Variants in PWWP2A observed in about 807,000 individuals in gnomAD.
The protein encoded by PWWP2A is PWWP domain-containing protein 2A.
A neutral mutation model predicts 48.5 loss-of-function variants in PWWP2A; 18 were observed. The observed-to-expected ratio is 0.37, with a 90% CI of 0.26 to 0.55. PWWP2A has a LOEUF of 0.55. Among genes scored for constraint, PWWP2A ranks in the 20% least tolerant of loss-of-function variants. PWWP2A has a pLI of 0.81. For synonymous variants in PWWP2A, 396 were observed against 387.7 expected, an observed-to-expected ratio of 1.02 and a Z score of -0.25; for missense variants, 867 against 976.4, an observed-to-expected ratio of 0.89 and a Z score of 1.49.
Position 160,079,587 on chromosome 5 carries a change from A to C in PWWP2A, c.1669+1064T>G, listed in dbSNP as rs1754083917. ...GGAAGCAAATGTTCCCATTTTATAA[A>C]CTGAAGGAAGAAAAGGTAAACACCC... On this transcript the variant is annotated intron_variant, in intron 3 of 3. Coordinates refer to the PWWP2A transcript ENST00000456329. Among the ~76,000 whole-genome samples, 3 of 152,314 alleles carry C rather than the reference A, an allele frequency of 2.0e-5. No individual in the cohort carries two copies. The South Asian group carries it at 6.2e-4, about 32-fold the overall frequency.
chr5:160,047,493 C>G, the PWWP2A span, among the ~76,000 whole-genome samples: 1 of 152,232 alleles, frequency 6.6e-6, no homozygotes, highest in South Asian at 2.1e-4. Flanking sequence ...CTTCTCTCAT[C>G]TGGACCACTG....
chr5:160,060,461 T>G (rs1301740872), downstream of PWWP2A, among the ~76,000 whole-genome samples: 1 of 152,218 alleles, frequency 6.6e-6, no homozygotes, highest in Non-Finnish European at 1.5e-5. Flanking sequence ...GGATCTAGTC[T>G]GATAGACGAG....
chr5:160,097,984 G>A (rs1755863805), intron 1 of PWWP2A, among the ~76,000 whole-genome samples: 1 of 152,158 alleles, frequency 6.6e-6, no homozygotes, highest in Non-Finnish European at 1.5e-5. Flanking sequence ...AAAGTGCTGG[G>A]ATTACAGGCG....
At position 160,093,725 on chromosome 5, in the gene PWWP2A, T is replaced by C. The variant is rs377111718; in HGVS notation, c.925A>G (p.Ile309Val). ...GGTCGTAGTTTAATAGCATTCATTATTGAAGTGGGTTCTTCCCTGTACATT... is the reference window on the plus strand; with the variant it reads ...GGTCGTAGTTTAATAGCATTCATTACTGAAGTGGGTTCTTCCCTGTACATT... ...RKMYREEPTS[I>V]MNAIKLRPRQ... is the part of the protein sequence containing the mutation. Residue 309 changes from isoleucine to valine, a missense_variant, in exon 2 of 2, where the codon ATA becomes GTA. Coordinates refer to ENST00000307063, the MANE Select transcript of PWWP2A (RefSeq NM_001130864.2). This position sits in a 1 kb window ranked among gnomAD's most constrained non-coding sequence, Gnocchi z 5.8. The C allele has an allele frequency of 3.7e-6, 6 of 1,613,960 alleles. No individual in the cohort carries two copies. Among genetic ancestry groups the C allele is most frequent in the East Asian group, 4.5e-5 (2 of 44,908 alleles).
the PWWP2A span, among the ~76,000 whole-genome samples, chr5:160,055,279 T>G: frequency 6.6e-6 from 1 of 152,220 alleles, no homozygotes; most frequent in Non-Finnish European, 1.5e-5. Flanking sequence ...TCTTCCTTGA[T>G]CTGTCATCTC....
At chr5:160,065,163 C>A (rs901420498) in intron 4 of PWWP2A, 1 of 1,512,150 alleles carries the variant, frequency 6.6e-7, no homozygotes, top group Non-Finnish European at 8.9e-7. Context: ...TTAAAAGCAT[C>A]TTATCTAAAA....
At chr5:160,080,552 T>C (rs1754155036) in intron 3 of PWWP2A, 3 of 1,134,052 alleles carry the variant, frequency 2.6e-6, no homozygotes, top group Non-Finnish European at 3.5e-6. Flanking sequence ...GAAAAAGAAC[T>C]AATGAATTCT....
the PWWP2A span, chr5:160,051,096 TTTA>T: frequency 6.4e-7 from 1 of 1,552,390 alleles, no homozygotes; most frequent in Non-Finnish European, 8.7e-7. Flanking sequence ...TTTTTTTTTT[TTTA>T]CCAACCCTTG....
the PWWP2A span, chr5:160,049,514 C>T: frequency 1.3e-6 from 2 of 1,562,698 alleles, no homozygotes; most frequent in Non-Finnish European, 8.6e-7. Context: ...CTTTTTACAG[C>T]AATTCAATTA....
rs555085816 is a variant in PWWP2A, at chr5:160,078,378, T to C, written c.1670-210A>G. Reference sequence around the variant, plus strand: ...AGAAATATTCATGTTATTTCTGAAGTATTATCAGGCCAGTTTCCAACACAA... The same window carrying C: ...AGAAATATTCATGTTATTTCTGAAGCATTATCAGGCCAGTTTCCAACACAA... On this transcript the variant is annotated intron_variant, in intron 3 of 3. Transcript: ENST00000456329. The surrounding 1 kb of genome is among the most constrained non-coding windows in gnomAD (Gnocchi z 4.2). Among the ~76,000 whole-genome samples the C allele has an allele frequency of 6.6e-6, 1 of 152,358 alleles. No homozygotes were observed. The highest frequency in any genetic ancestry group is 1.5e-5 in the Non-Finnish European group (1 of 68,038).
the PWWP2A span, among the ~76,000 whole-genome samples, chr5:160,056,264 G>C: frequency 6.6e-6 from 1 of 152,172 alleles, no homozygotes; most frequent in Non-Finnish European, 1.5e-5. Flanking sequence ...ACACATGTGG[G>C]CCTTGTTCAT....
At chr5:160,044,321 T>C in the PWWP2A span, among the ~76,000 whole-genome samples, 10 of 152,056 alleles carry the variant, frequency 6.6e-5, no homozygotes, top group Non-Finnish European at 1.3e-4. Context: ...GTCCATAAAG[T>C]GAAAAAGCAA....
downstream of PWWP2A, chr5:160,089,675 A>G: frequency 2.3e-6 from 3 of 1,283,418 alleles, no homozygotes; most frequent in Non-Finnish European, 3.0e-6. Flanking sequence ...AGAAATAAAG[A>G]CATTCTTAGC....
At chr5:160,091,020 C>T, downstream of PWWP2A, 2 of 985,056 alleles carry the variant, frequency 2.0e-6, no homozygotes, top group Non-Finnish European at 2.4e-6. Flanking sequence ...GTTGTAATTA[C>T]CCGAATGTAA....
At chr5:160,048,773 A>G in the PWWP2A span, among the ~76,000 whole-genome samples, 2 of 152,168 alleles carry the variant, frequency 1.3e-5, no homozygotes, top group Non-Finnish European at 2.9e-5. Flanking sequence ...CAACATAATG[A>G]AACCCCATCT....
intron 2 of PWWP2A, among the ~76,000 whole-genome samples, chr5:160,086,287 G>A (rs1754632765): frequency 6.6e-6 from 1 of 152,084 alleles, no homozygotes; most frequent in Non-Finnish European, 1.5e-5. Flanking sequence ...GGAGGCTGAG[G>A]CAGAAGTTAT....
In PWWP2A at chr5:160,093,001, T is replaced by C. The variant is rs777938889; in HGVS notation, c.1649A>G (p.Asp550Gly). The C allele has an allele frequency of 1.3e-6, 2 of 1,579,030 alleles. No homozygotes were observed. Among genetic ancestry groups the C allele is most frequent in the African/African-American group, 2.7e-5 (2 of 74,324 alleles). ...CTTTTTGCCCAATGTCTGTGGTTCATCCTGATCACCAGGCACATGCACTTC... is the reference window on the plus strand; with the variant it reads ...CTTTTTGCCCAATGTCTGTGGTTCACCCTGATCACCAGGCACATGCACTTC... ...TNEVHVPGDQ[D>G]EPQTLGKKGS... Residue 550 changes from aspartate to glycine, a missense_variant, in exon 2 of 2, where the codon GAT becomes GGT. Around this residue, in one of 4 missense-constraint regions of PWWP2A, gnomAD observed 382 missense variants for 407.2 expected, o/e 0.94. Coordinates refer to ENST00000307063, the MANE Select transcript of PWWP2A (RefSeq NM_001130864.2). This position sits in a 1 kb window ranked among gnomAD's most constrained non-coding sequence, Gnocchi z 5.8.
At chr5:160,095,686 CTTTT>C (rs11358268) in intron 1 of PWWP2A, among the ~76,000 whole-genome samples, 5 of 100,306 alleles carry the variant, frequency 5.0e-5, no homozygotes, top group Admixed American at 3.6e-4. Context: ...CCGAAATGTT[CTTTT>C]TTTTTTTTTT....
rs1758502126 is a variant in PWWP2A at position 160,119,446 on chromosome 5, T to C, written c.-58A>G. 1.3e-5 allele frequency: 17 copies of C among 1,349,824 alleles called. No homozygotes were observed. The highest frequency in any genetic ancestry group is 3.1e-5 in the East Asian group (1 of 32,064). 83.6% of individuals were successfully genotyped at this position (1,349,824 alleles called of 1,614,324 possible). A position where few individuals can be genotyped will look rare whatever the true frequency, so the allele number is the denominator to read the frequency against. ...GCTGCAGCGGCGGCGGCGACAGCGC[T>C]GCTTGGTTCCCTGGGCCTTCCCCTC... On this transcript the variant is annotated 5_prime_UTR_variant, in exon 1 of 2. Transcript: ENST00000307063.
Sources: gnomAD v4.1 joint callset for allele counts (sites outside exome capture counted in the v4.1 genomes callset) on GRCh38, gnomAD v4.1.1 for gene constraint, gnomAD v4.1.1 regional missense constraint, Gnocchi (gnomAD v3.1) non-coding constraint, MANE v1.5 for transcripts, NCBI Gene and HGNC (gene_info 2026-07-23, HGNC 2026-07-21) for gene names.